GABBR2: variants seen among roughly 807,000 people sequenced by gnomAD.
GABBR2 encodes the protein G-protein coupled receptor 51.
In GABBR2, 23 loss-of-function variants were observed where a neutral mutation model predicts 105.6. The observed-to-expected ratio is 0.22, with a 90% CI of 0.16 to 0.31. The LOEUF (loss-of-function observed/expected upper bound fraction) is 0.31. Ranked by LOEUF, GABBR2 falls within the 10% of genes least tolerant of loss-of-function variation. The pLI is 1.00. For missense variants in GABBR2, 734 were observed against 1,245.5 expected (o/e 0.59, Z 6.18); for synonymous variants, 478 against 499.7 (o/e 0.96, Z 0.58).
intron 11 of GABBR2, among the ~76,000 whole-genome samples, chr9:98,376,535 C>T (rs749286796): frequency 6.6e-6 from 1 of 151,820 alleles, no homozygotes; most frequent in Non-Finnish European, 1.5e-5. Flanking sequence ...GGAAGAAACT[C>T]CCAGAGCGCC....
chr9:98,443,276 A>G (rs1293982953), intron 7 of GABBR2, among the ~76,000 whole-genome samples: 1 of 152,184 alleles, frequency 6.6e-6, no homozygotes, highest in African/African-American at 2.4e-5. Flanking sequence ...TGAAGCTCTC[A>G]TAAGCTGATA....
intron 1 of GABBR2, among the ~76,000 whole-genome samples, chr9:98,622,569 C>G (rs1402479105): frequency 2.0e-5 from 3 of 152,184 alleles, no homozygotes; most frequent in Non-Finnish European, 4.4e-5. Context: ...GATTAAGACC[C>G]ACACCTGTCC....
chr9:98,664,254 C>T lies in GABBR2; in HGVS notation c.321+44163G>A, dbSNP rs113267183. ...CATCCTGCTGGGGGTGGGAAGAGAA[C>T]GGCACAAAGACCTAAGAATAAACGG... On this transcript the variant is annotated intron_variant, in intron 1 of 18. Coordinates refer to ENST00000259455, the MANE Select transcript of GABBR2 (RefSeq NM_005458.8). Among the ~76,000 whole-genome samples, 631 of 152,252 alleles carry T rather than the reference C, an allele frequency of 4.1e-3. 5 individuals are homozygous for T. The highest frequency in any genetic ancestry group is 0.014 in the African/African-American group (583 of 41,536).
intron 7 of GABBR2, among the ~76,000 whole-genome samples, chr9:98,414,877 G>A (rs558249850): frequency 6.6e-6 from 1 of 152,246 alleles, no homozygotes; most frequent in South Asian, 2.1e-4. Flanking sequence ...GAACCCTGAG[G>A]CCTAAGGAAC....
At chr9:98,495,286 G>A (rs1234477982) in intron 4 of GABBR2, among the ~76,000 whole-genome samples, 1 of 152,250 alleles carries the variant, frequency 6.6e-6, no homozygotes, top group African/African-American at 2.4e-5. Context: ...TGAACTGGAG[G>A]ATTTAGAAGG....
intron 1 of GABBR2, among the ~76,000 whole-genome samples, chr9:98,699,379 A>G (rs337543): frequency 0.92 from 140,104 of 152,002 alleles, 64,651 homozygotes; most frequent in Middle Eastern, 0.97. Flanking sequence ...CAGAGCCCCC[A>G]AAAGCACTAA....
intron 7 of GABBR2, among the ~76,000 whole-genome samples, chr9:98,426,422 G>A (rs1825689405): frequency 6.6e-6 from 1 of 152,226 alleles, no homozygotes; most frequent in South Asian, 2.1e-4. Context: ...GTTAGAGTGA[G>A]GGCAAGGAGT....
intron 7 of GABBR2, among the ~76,000 whole-genome samples, chr9:98,419,471 C>G (rs1242841108): frequency 6.6e-6 from 1 of 152,226 alleles, no homozygotes; most frequent in African/African-American, 2.4e-5. Context: ...CGGCCAGCCA[C>G]TCTGCTGAGA....
At chr9:98,394,604 C>A (rs1486157450) in intron 8 of GABBR2, among the ~76,000 whole-genome samples, 1 of 152,176 alleles carries the variant, frequency 6.6e-6, no homozygotes, top group Non-Finnish European at 1.5e-5. Context: ...CTGGCTCTGC[C>A]CTCTAGAACC....
rs543280545 is a variant in GABBR2, at chr9:98,437,975, T to C, written c.1236+16006A>G. On this transcript the variant is annotated intron_variant, in intron 7 of 18. Transcript: ENST00000259455. ...ATTCATTCATTCACCCATGCATCCATCTACCCACATACTCATTCATTTATC... is the reference window on the plus strand; with the variant it reads ...ATTCATTCATTCACCCATGCATCCACCTACCCACATACTCATTCATTTATC... Among the ~76,000 whole-genome samples, 13 of 151,556 alleles carry C rather than the reference T, an allele frequency of 8.6e-5. No homozygotes were observed. In the East Asian group the frequency reaches 2.3e-3, roughly 27 times the overall value.
At chr9:98,496,812 A>G (rs1827290714) in intron 3 of GABBR2, among the ~76,000 whole-genome samples, 1 of 152,172 alleles carries the variant, frequency 6.6e-6, no homozygotes. Context: ...GTGTTTCTCC[A>G]CCACATCACA....
At chr9:98,320,083 C>A (rs932342765) in intron 13 of GABBR2, among the ~76,000 whole-genome samples, 39 of 152,058 alleles carry the variant, frequency 2.6e-4, no homozygotes, top group African/African-American at 9.2e-4. Flanking sequence ...ACTCATCTGA[C>A]AAAGGGCTAA....
At chr9:98,693,592 G>A (rs1413355318) in intron 1 of GABBR2, among the ~76,000 whole-genome samples, 1 of 152,196 alleles carries the variant, frequency 6.6e-6, no homozygotes, top group Non-Finnish European at 1.5e-5. Context: ...AGACAACATG[G>A]CCATTGATCC....
At chr9:98,653,744 T>C (rs567233316) in intron 1 of GABBR2, among the ~76,000 whole-genome samples, 4 of 149,254 alleles carry the variant, frequency 2.7e-5, no homozygotes, top group South Asian at 4.3e-4. Context: ...CACACACACA[T>C]ATGCACACCC....
chr9:98,566,347 C>A (rs982587082), intron 2 of GABBR2, among the ~76,000 whole-genome samples: 1 of 152,140 alleles, frequency 6.6e-6, no homozygotes, highest in African/African-American at 2.4e-5. Flanking sequence ...AAAATAGTAA[C>A]CTTCACTCAT....
intron 1 of GABBR2, among the ~76,000 whole-genome samples, chr9:98,654,210 C>T (rs1244978976): frequency 6.6e-6 from 1 of 152,220 alleles, no homozygotes; most frequent in Admixed American, 6.5e-5. Flanking sequence ...GGTGTCCACT[C>T]TTCCCTGACA....
chr9:98,478,932 G>C (rs1285687898), intron 5 of GABBR2, among the ~76,000 whole-genome samples: 1 of 152,066 alleles, frequency 6.6e-6, no homozygotes, highest in East Asian at 1.9e-4. Flanking sequence ...CAAGGCCCTG[G>C]GGATACTGGA....
At chr9:98,659,250 G>T (rs1305183514) in intron 1 of GABBR2, among the ~76,000 whole-genome samples, 3 of 152,082 alleles carry the variant, frequency 2.0e-5, no homozygotes, top group Non-Finnish European at 4.4e-5. Flanking sequence ...TCATTTTACA[G>T]TTCTCCCTTT....
chr9:98,601,752 G>C (rs1216504852), intron 1 of GABBR2, among the ~76,000 whole-genome samples: 1 of 152,158 alleles, frequency 6.6e-6, no homozygotes, highest in Non-Finnish European at 1.5e-5. Context: ...GGCCAGTATG[G>C]GCCAAGGGCT....
Sources: allele counts gnomAD v4.1 joint callset (sites outside exome capture counted in the v4.1 genomes callset), GRCh38; gene constraint gnomAD v4.1.1; transcripts MANE v1.5; gene names NCBI Gene and HGNC (gene_info 2026-07-23, HGNC 2026-07-21).